The following INPP5F variants were observed in gnomAD, a reference collection of about 807,000 sequenced individuals.
INPP5F encodes phosphatidylinositide 4-phosphatase SAC2.
In INPP5F, 97 loss-of-function variants were observed where a neutral mutation model predicts 137.2. That is an observed-to-expected ratio of 0.71 (90% confidence interval 0.60 to 0.84). The LOEUF is 0.84. Ranked by LOEUF, INPP5F falls within the 40% of genes least tolerant of loss-of-function variation. The probability of loss-of-function intolerance (pLI) is 0.00; values close to 1 mark genes in which losing one functional copy is unlikely to be tolerated. For missense variants in INPP5F, 1,271 were observed against 1,371.9 expected (o/e 0.93, Z 1.16); for synonymous variants, 504 against 476.9 (o/e 1.06, Z -0.74).
chr10:119,808,245 G>T (rs1850878151), intron 13 of INPP5F, among the ~76,000 whole-genome samples, 185 bp downstream of exon 13: 1 of 152,226 alleles, frequency 6.6e-6, no homozygotes, highest in Non-Finnish European at 1.5e-5. Flanking sequence ...ACATCAGAGG[G>T]AGAGGGGGCT....
At chr10:119,753,744 C>T (rs1181054070) in intron 2 of INPP5F, among the ~76,000 whole-genome samples, 1 of 152,064 alleles carries the variant, frequency 6.6e-6, no homozygotes, top group Non-Finnish European at 1.5e-5. Flanking sequence ...CTGTGAGTCC[C>T]GAATGAGATT....
chr10:119,819,323 T>C (rs1257852224), intron 15 of INPP5F: 3 of 567,462 alleles, frequency 5.3e-6, no homozygotes, highest in South Asian at 1.4e-4. Context: ...GGGGGGAGGG[T>C]TGACATTTTC....
intron 3 of INPP5F, among the ~76,000 whole-genome samples, chr10:119,789,440 A>G (rs1273432730): frequency 6.6e-6 from 1 of 152,182 alleles, no homozygotes; most frequent in Non-Finnish European, 1.5e-5. Context: ...AAGGGAAAGC[A>G]TCTTTTTAAA....
At position 119,791,517 on chromosome 10, in the gene INPP5F, C is replaced by G. The variant is rs1850143401; in HGVS notation, c.316C>G (p.Leu106Val). 1 of 1,594,614 alleles carries G rather than the reference C, an allele frequency of 6.3e-7. No homozygotes were observed. ...AAATCATCTTTCTCTTCCTATTTAG[C>G]TCTGTAAGAAGCATCATTTTGGTAT... Reference protein sequence around the residue: ...EMEPQDLELELCKKHHFGINK... With the variant: ...EMEPQDLELEVCKKHHFGINK... Residue 106 changes from leucine to valine, a missense_variant and splice_region_variant, in exon 4 of 20, where the codon CTC (leucine) becomes GTC (valine). Physicochemically the swap from Leu to Val is conservative, Grantham distance 32. This residue lies in a region of INPP5F where 62 missense variants were observed against 55.0 expected (regional missense o/e 1.13). Coordinates refer to ENST00000650623, the MANE Select transcript of INPP5F (RefSeq NM_014937.4).
At chr10:119,794,707 A>ACCTC (rs1478406247) in intron 6 of INPP5F, among the ~76,000 whole-genome samples, 1 of 84,728 alleles carries the variant, frequency 1.2e-5, no homozygotes, top group African/African-American at 4.9e-5. Context: ...CTGACCCCCC[A>ACCTC]CCTCCCTCCC....
At chr10:119,797,939 G>T (rs527976293) in intron 8 of INPP5F, among the ~76,000 whole-genome samples, 1 of 152,108 alleles carries the variant, frequency 6.6e-6, no homozygotes, top group African/African-American at 2.4e-5. Context: ...GGAAAGGAGC[G>T]AATCTAGCCA....
chr10:119,755,525 C>T (rs2134131807), intron 2 of INPP5F, among the ~76,000 whole-genome samples: 1 of 152,274 alleles, frequency 6.6e-6, no homozygotes, highest in African/African-American at 2.4e-5. Context: ...GTTAGGACTT[C>T]AGCATATGAA....
At chr10:119,746,974 A>G (rs1038693778) in intron 1 of INPP5F, among the ~76,000 whole-genome samples, 4 of 152,094 alleles carry the variant, frequency 2.6e-5, no homozygotes, top group Non-Finnish European at 5.9e-5. Flanking sequence ...TTTTTAGTAG[A>G]GATGGGGTTT....
In INPP5F at chr10:119,751,477, G is replaced by C. The variant is rs1044073321; in HGVS notation, c.178+321G>C. Among the ~76,000 whole-genome samples the C allele has an allele frequency of 5.3e-5, 8 of 152,210 alleles. No individual in the cohort carries two copies. The South Asian group carries it at 1.0e-3, about 20-fold the overall frequency. On this transcript the variant is annotated intron_variant, in intron 2 of 19. Transcript: ENST00000650623. ...TAGTAGGAATAAAGCTGGAGAGGCA[G>C]GCAGGTGGCAGACCATGACTGGTTG...
intron 13 of INPP5F, among the ~76,000 whole-genome samples, chr10:119,809,453 A>G (rs150259081): frequency 6.6e-6 from 1 of 152,248 alleles, no homozygotes; most frequent in African/African-American, 2.4e-5. Flanking sequence ...CTTGGAGAGA[A>G]ATAGAGGGGT....
At chr10:119,771,615 C>A (rs764703394) in intron 2 of INPP5F, among the ~76,000 whole-genome samples, 2 of 151,648 alleles carry the variant, frequency 1.3e-5, no homozygotes, top group Non-Finnish European at 2.9e-5. Context: ...TTATAGTCTT[C>A]ATTTTCCCAG....
chr10:119,823,292 A>G, intron 18 of INPP5F, 93 bp downstream of exon 18: 1 of 1,230,086 alleles, frequency 8.1e-7, no homozygotes, highest in South Asian at 1.4e-5. Flanking sequence ...TATCATAACC[A>G]ACTGAATGAG....
intron 13 of INPP5F, among the ~76,000 whole-genome samples, chr10:119,809,501 A>C (rs2134253343): frequency 6.6e-6 from 1 of 152,262 alleles, no homozygotes; most frequent in Admixed American, 6.5e-5. Context: ...TCCTTGCCTT[A>C]AGTTTAAGTC....
In INPP5F at chr10:119,765,527, A is replaced by G. The variant is rs1333610647; in HGVS notation, c.178+14371A>G. On this transcript the variant is annotated intron_variant, in intron 2 of 19. Transcript: ENST00000650623. ...GCTGGGACTACAGGTGCACGCCATG[A>G]TACCTGGCTAATTTTTGTATTTTTT... is the stretch of plus-strand genomic sequence containing the variant. Among the ~76,000 whole-genome samples, 4 of 148,762 alleles carry G rather than the reference A, an allele frequency of 2.7e-5. No individual in the cohort carries two copies. In the Admixed American group the frequency reaches 2.7e-4, roughly 10 times the overall value.
chr10:119,823,317 A>G, intron 18 of INPP5F, 118 bp downstream of exon 18: 1 of 937,370 alleles, frequency 1.1e-6, no homozygotes, highest in Admixed American at 2.8e-5. Context: ...GGTCCAGGGA[A>G]TAGCTTTGGA....
intron 1 of INPP5F, among the ~76,000 whole-genome samples, chr10:119,739,625 G>C (rs551792191): frequency 6.6e-6 from 1 of 152,226 alleles, no homozygotes; most frequent in Admixed American, 6.5e-5. Context: ...TAGTCTGTCT[G>C]TATTTATTTC....
At position 119,829,084 on chromosome 10, in the gene INPP5F, CTTTT is replaced by C. The variant is rs963003965; in HGVS notation, c.*1311_*1314del. 3 of 149,664 alleles carry C rather than the reference CTTTT, an allele frequency of 2.0e-5. No individual in the cohort carries two copies. The highest frequency in any genetic ancestry group is 2.1e-4 in the South Asian group (1 of 4,696). The allele number at this position is 149,664 out of a possible 1,614,324, so 9.3% of individuals were successfully genotyped here. A position where few individuals can be genotyped will look rare whatever the true frequency, so the allele number is the denominator to read the frequency against. ...CACTTTTGTTATTTATTAGTGCTATCTTTTTTTTTTACGTGTTAAATCTTGTGAT... is the reference window on the plus strand; with the variant it reads ...CACTTTTGTTATTTATTAGTGCTATCTTTTTTACGTGTTAAATCTTGTGAT... On this transcript the variant is annotated 3_prime_UTR_variant, in exon 20 of 20. Coordinates refer to ENST00000650623, the MANE Select transcript of INPP5F (RefSeq NM_014937.4).
At chr10:119,802,246 G>T (rs370097366) in intron 9 of INPP5F, among the ~76,000 whole-genome samples, 1 of 151,256 alleles carries the variant, frequency 6.6e-6, no homozygotes, top group South Asian at 2.3e-4. Flanking sequence ...GCTCTCTCAA[G>T]ACTGTGAAGG....
At chr10:119,750,460 A>T (rs958521547) in intron 1 of INPP5F, among the ~76,000 whole-genome samples, 1 of 152,148 alleles carries the variant, frequency 6.6e-6, no homozygotes, top group Non-Finnish European at 1.5e-5. Flanking sequence ...TGTGTCATCT[A>T]ATTTCTCATA....
Sources: allele counts gnomAD v4.1 joint callset (sites outside exome capture counted in the v4.1 genomes callset), GRCh38; gene constraint gnomAD v4.1.1; regional missense constraint gnomAD v4.1.1; transcripts MANE v1.5; gene names NCBI Gene and HGNC (gene_info 2026-07-23, HGNC 2026-07-21).